The following USP37 variants were observed in gnomAD, a reference collection of about 807,000 sequenced individuals.
The protein encoded by USP37 is ubiquitin carboxyl-terminal hydrolase 37.
A neutral mutation model predicts 124.0 loss-of-function variants in USP37; 27 were observed. The observed-to-expected ratio is 0.22, with a 90% CI of 0.16 to 0.30. The LOEUF (loss-of-function observed/expected upper bound fraction) is 0.30, where lower values mean the gene tolerates loss of function less well. Among genes scored for constraint, USP37 ranks in the 10% least tolerant of loss-of-function variants. The probability of loss-of-function intolerance (pLI) is 1.00; values close to 1 mark genes in which losing one functional copy is unlikely to be tolerated. For missense variants in USP37, 889 were observed against 1,140.4 expected, an observed-to-expected ratio of 0.78 and a Z score of 3.17; for synonymous variants, 365 against 388.0, an observed-to-expected ratio of 0.94 and a Z score of 0.70.
intron 1 of USP37, among the ~76,000 whole-genome samples, chr2:218,567,541 C>T (rs575019412): frequency 1.4e-4 from 21 of 152,284 alleles, no homozygotes; most frequent in Non-Finnish European, 2.1e-4. Flanking sequence ...GGTATCTCTT[C>T]CAGTTAGACA....
intron 11 of USP37, among the ~76,000 whole-genome samples, chr2:218,500,184 C>G (rs1689298709): frequency 6.6e-6 from 1 of 152,220 alleles, no homozygotes; most frequent in Non-Finnish European, 1.5e-5. Flanking sequence ...AAGCAAGTCT[C>G]ATGCCTCAGC....
chr2:218,568,026 T>G (rs1693745118), intron 1 of USP37, among the ~76,000 whole-genome samples, 152 bp downstream of exon 1: 2 of 152,158 alleles, frequency 1.3e-5, no homozygotes, highest in South Asian at 4.1e-4. Context: ...AGGTAGTACC[T>G]GTGAGGCTGG....
chr2:218,529,422 A>T (rs1034475876), intron 10 of USP37, among the ~76,000 whole-genome samples: 1 of 151,008 alleles, frequency 6.6e-6, no homozygotes, highest in African/African-American at 2.4e-5. Context: ...GTGAGCCAAG[A>T]TAGCACCACT....
At chr2:218,529,910 A>G in intron 10 of USP37, 46 bp downstream of exon 10, 1 of 1,477,584 alleles carries the variant, frequency 6.8e-7, no homozygotes, top group Non-Finnish European at 9.3e-7. Context: ...ATTCTGAAAA[A>G]AAAAGAACTC....
At position 218,453,484 on chromosome 2, in the gene USP37, C is replaced by T. The variant is rs1452439177; in HGVS notation, c.*1446G>A. The T allele has an allele frequency of 2.6e-5, 4 of 152,034 alleles. No homozygotes were observed. The highest frequency in any genetic ancestry group is 9.7e-5 in the African/African-American group (4 of 41,366). The allele number at this position is 152,034 out of a possible 1,614,324, so 9.4% of individuals were successfully genotyped here. A position where few individuals can be genotyped will look rare whatever the true frequency, so the allele number is the denominator to read the frequency against. ...CCCTTGTTTATAATAAAAGAAAAAACACGAAAGAATATAATGATGGTTTCA... is the reference window on the plus strand; with the variant it reads ...CCCTTGTTTATAATAAAAGAAAAAATACGAAAGAATATAATGATGGTTTCA... On this transcript the variant is annotated 3_prime_UTR_variant, in exon 26 of 26. Coordinates refer to ENST00000258399, the MANE Select transcript of USP37 (RefSeq NM_020935.3).
In USP37 at chr2:218,502,821, C is replaced by G. The variant is rs180945646; in HGVS notation, c.1026-4664G>C. 1.5e-3 allele frequency among the ~76,000 whole-genome samples: 234 copies of G among 152,102 alleles called. 2 individuals are homozygous for G. The highest frequency in any genetic ancestry group is 5.3e-3 in the African/African-American group (221 of 41,500). On this transcript the variant is annotated intron_variant, in intron 11 of 25. Transcript: ENST00000258399. ...GAAACCCAAGGAAAGAAAGCATGAC[C>G]CAAGGATTTTACATCCAGCCAAACT...
chr2:218,553,477 G>A lies in USP37; in HGVS notation c.328+76C>T, dbSNP rs919008498. ...TCCTTTTAATGTGCTGATGAATTCA[G>A]TTGAATATTGGTCTGTAGTCTAGTC... On this transcript the variant is annotated intron_variant, in intron 5 of 25. Transcript: ENST00000258399. 2.2e-6 allele frequency: 3 copies of A among 1,346,704 alleles called. No individual in the cohort carries two copies. The African/African-American group carries it at 4.4e-5, about 20-fold the overall frequency. The allele number at this position is 1,346,704 out of a possible 1,614,324, so 83.4% of individuals were successfully genotyped here.
At chr2:218,491,382 T>C (rs865884190) in intron 14 of USP37, among the ~76,000 whole-genome samples, 1 of 152,162 alleles carries the variant, frequency 6.6e-6, no homozygotes, top group African/African-American at 2.4e-5. Context: ...CTCAGTCCTA[T>C]AACCATAGGA....
At chr2:218,467,927 G>A (rs1383702271) in intron 20 of USP37, among the ~76,000 whole-genome samples, 4 of 146,966 alleles carry the variant, frequency 2.7e-5, no homozygotes, top group South Asian at 4.2e-4. Flanking sequence ...TTGCTCTGTC[G>A]CCCAGGGTGG....
intron 14 of USP37, among the ~76,000 whole-genome samples, chr2:218,489,404 A>C (rs1014317708): frequency 6.6e-6 from 1 of 151,674 alleles, no homozygotes; most frequent in Non-Finnish European, 1.5e-5. Context: ...AAACAGAACA[A>C]CACCATCAAC....
chr2:218,476,739 CT>C lies in USP37; in HGVS notation c.2043+100del, dbSNP rs368003887. 4.7e-5 allele frequency: 62 copies of C among 1,312,132 alleles called. 1 individual carries two copies. In the East Asian group the frequency reaches 1.1e-3, roughly 24 times the overall value. The allele number at this position is 1,312,132 out of a possible 1,614,324, so 81.3% of individuals were successfully genotyped here. ...TTTCTGTAGCCAGAGAAGGCATTTT[CT>C]TTAAAACTAATTAGTTTGATGATGG... is the stretch of plus-strand genomic sequence containing the variant. On this transcript the variant is annotated intron_variant, in intron 19 of 25. Coordinates refer to ENST00000258399, the MANE Select transcript of USP37 (RefSeq NM_020935.3).
At chr2:218,463,495 A>ATAT in intron 21 of USP37, 129 bp from the exon 22 acceptor site, 1 of 701,012 alleles carries the variant, frequency 1.4e-6, no homozygotes, top group Non-Finnish European at 2.4e-6. Context: ...GATGTTTGGA[A>ATAT]TATTACCTTT....
Position 218,463,376 on chromosome 2 carries a change from A to G in USP37, c.2467-10T>C. 6.2e-7 allele frequency: 1 copy of G among 1,613,836 alleles called. No individual in the cohort carries two copies. Among genetic ancestry groups the G allele is most frequent in the Non-Finnish European group, 8.5e-7 (1 of 1,179,838 alleles). On this transcript the variant is annotated splice_polypyrimidine_tract_variant and intron_variant, in intron 21 of 25. Coordinates refer to ENST00000258399, the MANE Select transcript of USP37 (RefSeq NM_020935.3). Reference sequence around the variant, plus strand: ...TCTGTTCCCAAGCCTCCTAAAGGGAAAAGAACAAAAACTAAGGTATTTAAA... The same window carrying G: ...TCTGTTCCCAAGCCTCCTAAAGGGAGAAGAACAAAAACTAAGGTATTTAAA...
rs895309212 is a variant in USP37 at position 218,453,941 on chromosome 2, T to G, written c.*989A>C. ...AACACTCTTCTTATCCTCCCTATGTTTGAGAGACAGAGATGCTAGCATTCT... is the reference window on the plus strand; with the variant it reads ...AACACTCTTCTTATCCTCCCTATGTGTGAGAGACAGAGATGCTAGCATTCT... On this transcript the variant is annotated 3_prime_UTR_variant, in exon 26 of 26. Transcript: ENST00000258399. 1.3e-5 allele frequency: 2 copies of G among 152,160 alleles called. No homozygotes were observed. The highest frequency in any genetic ancestry group is 4.8e-5 in the African/African-American group (2 of 41,448). The allele number at this position is 152,160 out of a possible 1,614,324, so 9.4% of individuals were successfully genotyped here. A position where few individuals can be genotyped will look rare whatever the true frequency, so the allele number is the denominator to read the frequency against.
At chr2:218,495,696 G>A (rs1689047048) in intron 14 of USP37, 64 bp downstream of exon 14, 2 of 1,498,780 alleles carry the variant, frequency 1.3e-6, no homozygotes, top group South Asian at 1.3e-5. Flanking sequence ...GTATGTCATA[G>A]AAGAATTTTA....
intron 5 of USP37, among the ~76,000 whole-genome samples, chr2:218,551,685 T>C (rs1265396640): frequency 1.3e-5 from 2 of 152,264 alleles, no homozygotes; most frequent in Non-Finnish European, 2.9e-5. Flanking sequence ...ACGTATCAAT[T>C]GTTAAAACAG....
intron 9 of USP37, among the ~76,000 whole-genome samples, chr2:218,533,895 T>A (rs1294526348): frequency 2.6e-5 from 4 of 152,230 alleles, no homozygotes; most frequent in Non-Finnish European, 5.9e-5. Context: ...CAAAAATGTT[T>A]TTGTAAAAAC....
chr2:218,501,518 A>G (rs1050931158), intron 11 of USP37, among the ~76,000 whole-genome samples: 1 of 152,214 alleles, frequency 6.6e-6, no homozygotes, highest in Non-Finnish European at 1.5e-5. Flanking sequence ...GACAAAATAG[A>G]GAAAACAGCT....
intron 2 of USP37, among the ~76,000 whole-genome samples, chr2:218,561,690 C>T (rs1693321048): frequency 6.6e-6 from 1 of 151,742 alleles, no homozygotes; most frequent in Non-Finnish European, 1.5e-5. Flanking sequence ...ATACACCTTT[C>T]AGACAGCCTT....
Sources: allele counts gnomAD v4.1 joint callset (sites outside exome capture counted in the v4.1 genomes callset), GRCh38; gene constraint gnomAD v4.1.1; transcripts MANE v1.5; gene names NCBI Gene and HGNC (gene_info 2026-07-23, HGNC 2026-07-21).